SFXN5: variants seen among roughly 807,000 people sequenced by gnomAD.
The protein encoded by SFXN5 is sideroflexin 5.
In SFXN5, 43 loss-of-function variants were observed where a neutral mutation model predicts 50.2. The observed-to-expected ratio is 0.86, with a 90% CI of 0.67 to 1.11. The LOEUF (loss-of-function observed/expected upper bound fraction) is 1.11. SFXN5 is among the 50% of genes least tolerant of loss of function. SFXN5 has a pLI of 0.00. For missense variants in SFXN5, 463 were observed against 454.1 expected (o/e 1.02, Z -0.18); for synonymous variants, 203 against 185.8 (o/e 1.09, Z -0.75).
chr2:72,945,694 C>A lies in SFXN5; in HGVS notation c.946-595G>T, dbSNP rs1337763421. Among the ~76,000 whole-genome samples the A allele has an allele frequency of 6.6e-6, 1 of 152,144 alleles. No individual in the cohort carries two copies. The highest frequency in any genetic ancestry group is 1.5e-5 in the Non-Finnish European group (1 of 68,012). Reference sequence around the variant, plus strand: ...TACTCCCTAGCCCAAGGGTCCCTCCCACGCTGCTGGCAGAAGCCCTGCTTC... The same window carrying A: ...TACTCCCTAGCCCAAGGGTCCCTCCAACGCTGCTGGCAGAAGCCCTGCTTC... On this transcript the variant is annotated intron_variant, in intron 13 of 13. Coordinates refer to ENST00000272433, the MANE Select transcript of SFXN5 (RefSeq NM_144579.3). This position sits in a 1 kb window ranked among gnomAD's most constrained non-coding sequence, Gnocchi z 5.8.
At chr2:72,978,768 C>T (rs995701064) in intron 10 of SFXN5, among the ~76,000 whole-genome samples, 2 of 151,874 alleles carry the variant, frequency 1.3e-5, no homozygotes, top group African/African-American at 2.4e-5. Context: ...GCTAGCCTGG[C>T]GATTCCCAGC....
intron 6 of SFXN5, among the ~76,000 whole-genome samples, chr2:73,003,281 T>A (rs1035803155): frequency 2.0e-5 from 3 of 151,994 alleles, no homozygotes; most frequent in Non-Finnish European, 2.9e-5. Flanking sequence ...TGATCTGGAG[T>A]CTACTGAACA....
At chr2:73,066,020 C>T (rs1683152628) in intron 1 of SFXN5, among the ~76,000 whole-genome samples, 1 of 152,174 alleles carries the variant, frequency 6.6e-6, no homozygotes, top group Non-Finnish European at 1.5e-5. Context: ...GGAAAGGAAG[C>T]AAAGCAGGTC....
At chr2:73,058,282 T>C (rs1682387597) in intron 2 of SFXN5, 1 of 414,334 alleles carries the variant, frequency 2.4e-6, no homozygotes, top group Non-Finnish European at 4.4e-6. Context: ...TCTTAAAGGG[T>C]TGTTGTGAGA....
rs1674656356 is a variant in SFXN5 at position 73,006,475 on chromosome 2, A to C, written c.358-4897T>G. On this transcript the variant is annotated intron_variant, in intron 6 of 13. Transcript: ENST00000272433. Reference sequence around the variant, plus strand: ...CATCTCTAGTAAAAATGCAAAAACTAGCTGAGGGTGGTGGCAGGTGACTAT... The same window carrying C: ...CATCTCTAGTAAAAATGCAAAAACTCGCTGAGGGTGGTGGCAGGTGACTAT... Among the ~76,000 whole-genome samples, 3 of 152,088 alleles carry C rather than the reference A, an allele frequency of 2.0e-5. No individual in the cohort carries two copies. In the South Asian group the frequency reaches 6.2e-4, roughly 32 times the overall value.
intron 1 of SFXN5, among the ~76,000 whole-genome samples, chr2:73,065,695 C>T (rs1559223719): frequency 6.7e-6 from 1 of 149,232 alleles, no homozygotes; most frequent in Non-Finnish European, 1.5e-5. Context: ...CTGTGCCTGG[C>T]CATGTGGGGG....
intron 2 of SFXN5, among the ~76,000 whole-genome samples, chr2:73,056,336 C>A (rs1052995914): frequency 3.3e-5 from 5 of 150,846 alleles, no homozygotes; most frequent in Admixed American, 6.6e-5. Context: ...GAGCTGAGAT[C>A]GTGCCATTAC....
chr2:73,000,627 T>A (rs550646263), intron 7 of SFXN5, 140 bp from the exon 8 acceptor site: 2 of 778,402 alleles, frequency 2.6e-6, no homozygotes, highest in South Asian at 3.4e-5. Context: ...ATGCTGCCGG[T>A]CAGCATGACT....
chr2:72,969,823 G>A (rs753710377), intron 11 of SFXN5, among the ~76,000 whole-genome samples: 11 of 152,076 alleles, frequency 7.2e-5, no homozygotes, highest in Non-Finnish European at 1.3e-4. Flanking sequence ...CTTCAGCTGG[G>A]TGTCTGCAGG....
intron 6 of SFXN5, among the ~76,000 whole-genome samples, chr2:73,009,947 G>A (rs1201337756): frequency 1.3e-5 from 2 of 152,204 alleles, no homozygotes; most frequent in Non-Finnish European, 2.9e-5. Context: ...CTTCCCACTT[G>A]ATGGCAGCTG....
At chr2:73,024,497 C>CT (rs1454244611) in intron 3 of SFXN5, among the ~76,000 whole-genome samples, 3 of 152,172 alleles carry the variant, frequency 2.0e-5, no homozygotes, top group African/African-American at 7.2e-5. Context: ...TACAAAAAAT[C>CT]TTAAAAATTA....
intron 3 of SFXN5, 106 bp downstream of exon 3, chr2:73,040,748 T>C: frequency 1.2e-6 from 1 of 827,360 alleles, no homozygotes; most frequent in Non-Finnish European, 1.9e-6. Context: ...CCAGCAGAAG[T>C]ATATGCTGGA....
rs185646872 is a variant in SFXN5 at position 72,964,046 on chromosome 2, C to T, written c.828-2798G>A. On this transcript the variant is annotated intron_variant, in intron 12 of 13. Transcript: ENST00000272433. ...CGTCTCAGAGTCAAGGCCAACTGAG[C>T]ATGCTGAGCTCCCACCTTTCTCTTC... Among the ~76,000 whole-genome samples the T allele has an allele frequency of 3.5e-3, 538 of 152,304 alleles. 17 individuals carry two copies. Among genetic ancestry groups the T allele is most frequent in the Admixed American group, 0.031 (477 of 15,304 alleles).
chr2:73,035,769 G>C (rs1371021154), intron 3 of SFXN5, among the ~76,000 whole-genome samples: 1 of 152,078 alleles, frequency 6.6e-6, no homozygotes, highest in East Asian at 1.9e-4. Flanking sequence ...CAAAGTGCTG[G>C]GATTACAGGT....
intron 5 of SFXN5, 140 bp from the exon 6 acceptor site, chr2:73,020,404 T>G (rs2105822231): frequency 4.1e-6 from 3 of 734,676 alleles, no homozygotes; most frequent in Non-Finnish European, 6.9e-6. Flanking sequence ...AGGCATCTCC[T>G]ATCTCATAGA....
chr2:72,991,167 C>T (rs536482283), intron 9 of SFXN5, among the ~76,000 whole-genome samples: 1 of 152,224 alleles, frequency 6.6e-6, no homozygotes, highest in Non-Finnish European at 1.5e-5. Flanking sequence ...TTCCCTCCCC[C>T]TCTCCAAAGC....
intron 2 of SFXN5, among the ~76,000 whole-genome samples, chr2:73,051,861 C>T (rs6710739): frequency 0.32 from 48,778 of 151,904 alleles, 9,415 homozygotes; most frequent in East Asian, 0.55. Context: ...GGCAGAAAGG[C>T]AAGAGACCCT....
chr2:73,012,918 T>C (rs912562305), intron 6 of SFXN5, among the ~76,000 whole-genome samples: 2 of 152,038 alleles, frequency 1.3e-5, no homozygotes, highest in African/African-American at 4.8e-5. Context: ...ATAAAGTATA[T>C]ATAATGCAAC....
At chr2:73,028,539 A>G (rs1188276054) in intron 3 of SFXN5, among the ~76,000 whole-genome samples, 4 of 152,254 alleles carry the variant, frequency 2.6e-5, no homozygotes, top group Admixed American at 1.3e-4. Context: ...GAAACATTAA[A>G]TAGCAAATAA....
Sources: allele counts gnomAD v4.1 joint callset (sites outside exome capture counted in the v4.1 genomes callset), GRCh38; gene constraint gnomAD v4.1.1; non-coding constraint Gnocchi (gnomAD v3.1); transcripts MANE v1.5; gene names NCBI Gene and HGNC (gene_info 2026-07-23, HGNC 2026-07-21).